GRM5: variants seen among roughly 807,000 people sequenced by gnomAD.
GRM5 encodes the protein metabotropic glutamate receptor 5.
Under a neutral mutation model 83.1 loss-of-function variants are expected in GRM5, and 19 were observed. The observed-to-expected ratio is 0.23, with a 90% CI of 0.16 to 0.34. The LOEUF (loss-of-function observed/expected upper bound fraction) is 0.34, where lower values mean the gene tolerates loss of function less well. Ranked by LOEUF, GRM5 falls within the 10% of genes least tolerant of loss-of-function variation. The pLI, the probability that GRM5 is intolerant of heterozygous loss-of-function variation, is 1.00. For missense variants in GRM5, 1,160 were observed against 1,588.3 expected, an observed-to-expected ratio of 0.73 and a Z score of 4.58; for synonymous variants, 675 against 633.6, an observed-to-expected ratio of 1.07 and a Z score of -0.98.
intron 4 of GRM5, among the ~76,000 whole-genome samples, chr11:88,627,168 A>T (rs1175013703): frequency 6.6e-6 from 1 of 152,240 alleles, no homozygotes; most frequent in Non-Finnish European, 1.5e-5. Flanking sequence ...CAATTTGTCC[A>T]GTGTCATAGA....
At chr11:88,850,286 T>A in intron 2 of GRM5, 131 bp from the exon 3 acceptor site, 1 of 813,340 alleles carries the variant, frequency 1.2e-6, no homozygotes, top group Non-Finnish European at 2.0e-6. Context: ...GACCTGAATT[T>A]TGGTTTTTGC....
chr11:88,667,632 G>A (rs1006898451), intron 3 of GRM5, among the ~76,000 whole-genome samples: 1 of 152,092 alleles, frequency 6.6e-6, no homozygotes, highest in Non-Finnish European at 1.5e-5. Context: ...AGTGGCTCAC[G>A]CCTGTAATCC....
intron 3 of GRM5, among the ~76,000 whole-genome samples, chr11:88,820,225 CAA>C (rs58683518): frequency 7.4e-6 from 1 of 135,820 alleles, no homozygotes. Context: ...CTAAAAAATA[CAA>C]AAAAAAAAAA....
intron 3 of GRM5, among the ~76,000 whole-genome samples, chr11:88,689,173 G>T (rs1243396445): frequency 1.3e-5 from 2 of 151,876 alleles, no homozygotes; most frequent in Non-Finnish European, 2.9e-5. Flanking sequence ...AACAAAACAT[G>T]CCTCCTTATT....
chr11:88,965,926 T>A (rs565458761), intron 2 of GRM5, among the ~76,000 whole-genome samples: 5 of 152,272 alleles, frequency 3.3e-5, no homozygotes, highest in Admixed American at 1.3e-4. Context: ...TGCAATAGTT[T>A]ACTGAAGAAC....
At chr11:88,686,070 A>G (rs958473021) in intron 3 of GRM5, among the ~76,000 whole-genome samples, 1 of 152,018 alleles carries the variant, frequency 6.6e-6, no homozygotes, top group African/African-American at 2.4e-5. Flanking sequence ...CTCCCTGAAA[A>G]AGCTTCAGAC....
At chr11:88,908,361 C>T (rs1445791287) in intron 2 of GRM5, among the ~76,000 whole-genome samples, 2 of 151,982 alleles carry the variant, frequency 1.3e-5, no homozygotes, top group South Asian at 2.1e-4. Flanking sequence ...ATTTGTTAGT[C>T]TCTTTTCTAG....
At chr11:88,894,524 C>G (rs1945200096) in intron 2 of GRM5, among the ~76,000 whole-genome samples, 1 of 151,934 alleles carries the variant, frequency 6.6e-6, no homozygotes, top group South Asian at 2.1e-4. Flanking sequence ...TCTCTTTGGT[C>G]CCACCACTGC....
chr11:88,720,521 G>C (rs1941508617), intron 3 of GRM5, among the ~76,000 whole-genome samples: 1 of 149,124 alleles, frequency 6.7e-6, no homozygotes, highest in Non-Finnish European at 1.5e-5. Flanking sequence ...ATACCAACTG[G>C]GTGAATAAGG....
chr11:88,631,030 G>A (rs567643236), intron 4 of GRM5, among the ~76,000 whole-genome samples: 145 of 152,274 alleles, frequency 9.5e-4, no homozygotes, highest in African/African-American at 3.4e-3. Context: ...TCAGTTCTCT[G>A]TAATTTTTAA....
At chr11:88,959,044 T>C (rs1309963009) in intron 2 of GRM5, among the ~76,000 whole-genome samples, 1 of 152,104 alleles carries the variant, frequency 6.6e-6, no homozygotes, top group Non-Finnish European at 1.5e-5. Context: ...GAAAATTCGA[T>C]CATATATTCA....
At chr11:88,668,295 T>A (rs1454376469) in intron 3 of GRM5, among the ~76,000 whole-genome samples, 46 of 81,744 alleles carry the variant, frequency 5.6e-4, no homozygotes, top group Admixed American at 9.1e-4. Flanking sequence ...CCCCAGAAAC[T>A]CGCACACACA....
chr11:88,737,777 T>G (rs866145742), intron 3 of GRM5, among the ~76,000 whole-genome samples: 3 of 152,118 alleles, frequency 2.0e-5, no homozygotes. Flanking sequence ...CTTTCACATC[T>G]ATCTATACTA....
intron 2 of GRM5, among the ~76,000 whole-genome samples, chr11:89,019,630 C>T (rs999826438): frequency 7.9e-5 from 12 of 152,036 alleles, no homozygotes; most frequent in East Asian, 3.9e-4. Flanking sequence ...ACTTGAGCCC[C>T]GGAGGTGGAG....
rs145380174 is a variant in GRM5 at position 88,580,402 on chromosome 11, T to C, written c.1690+10199A>G. ...GATCAACACTGAGCTCTGGAGCACT[T>C]CAGCACAATAGCCTTCATTTTATTT... On this transcript the variant is annotated intron_variant, in intron 7 of 9. Coordinates refer to ENST00000305447, the MANE Select transcript of GRM5 (RefSeq NM_001143831.3). Among the ~76,000 whole-genome samples, 1,123 of 152,328 alleles carry C rather than the reference T, an allele frequency of 7.4e-3. 11 individuals carry two copies. Among genetic ancestry groups the C allele is most frequent in the African/African-American group, 0.026 (1,085 of 41,570 alleles).
chr11:89,028,104 G>A (rs1941172570), intron 2 of GRM5, among the ~76,000 whole-genome samples: 1 of 152,138 alleles, frequency 6.6e-6, no homozygotes, highest in Non-Finnish European at 1.5e-5. Context: ...GGACCTTCCA[G>A]CCAACAGAAT....
At chr11:88,791,719 A>T (rs746917013) in intron 3 of GRM5, among the ~76,000 whole-genome samples, 26 of 152,174 alleles carry the variant, frequency 1.7e-4, no homozygotes, top group Non-Finnish European at 3.4e-4. Context: ...AATTATTTTA[A>T]GATACTCTAT....
chr11:89,028,272 G>A (rs1415165177), intron 2 of GRM5, among the ~76,000 whole-genome samples: 1 of 152,014 alleles, frequency 6.6e-6, no homozygotes, highest in Non-Finnish European at 1.5e-5. Flanking sequence ...TTTATTACCT[G>A]TTTTTTTAAC....
At chr11:88,555,732 A>T (rs1480340867) in intron 8 of GRM5, among the ~76,000 whole-genome samples, 2 of 152,148 alleles carry the variant, frequency 1.3e-5, no homozygotes, top group African/African-American at 4.8e-5. Context: ...TGCACCTGAG[A>T]GATGCTGTGA....
Sources: gnomAD v4.1 joint callset for allele counts (sites outside exome capture counted in the v4.1 genomes callset) on GRCh38, gnomAD v4.1.1 for gene constraint, MANE v1.5 for transcripts, NCBI Gene and HGNC (gene_info 2026-07-23, HGNC 2026-07-21) for gene names.